The following NLRP13 variants were observed in gnomAD, a reference collection of about 807,000 sequenced individuals.
NLRP13 encodes the protein NLR family pyrin domain containing 13, also known as NACHT, LRR and PYD domains-containing protein 13.
A neutral mutation model predicts 94.4 loss-of-function variants in NLRP13; 82 were observed. The observed-to-expected ratio is 0.87, with a 90% CI of 0.73 to 1.04. The LOEUF (loss-of-function observed/expected upper bound fraction) is 1.04, where lower values mean the gene tolerates loss of function less well. NLRP13 is among the 50% of genes least tolerant of loss of function. The pLI is 0.00. For synonymous variants in NLRP13, 553 were observed against 464.7 expected, an observed-to-expected ratio of 1.19 and a Z score of -2.45; for missense variants, 1,426 against 1,230.8, an observed-to-expected ratio of 1.16 and a Z score of -2.37.
chr19:55,903,065 T>C (rs1210485650), intron 8 of NLRP13, among the ~76,000 whole-genome samples: 1 of 151,758 alleles, frequency 6.6e-6, no homozygotes, highest in African/African-American at 2.4e-5. Context: ...TGTAGAATTA[T>C]AACAGTTATA....
At chr19:55,894,905 C>G (rs1238336851), downstream of NLRP13, among the ~76,000 whole-genome samples, 2 of 152,184 alleles carry the variant, frequency 1.3e-5, no homozygotes, top group Admixed American at 6.5e-5. Context: ...ACTGCACCAT[C>G]CAGTACGGTA....
At position 55,925,029 on chromosome 19, in the gene NLRP13, A is replaced by C. The variant is rs1986935079; in HGVS notation, c.326T>G (p.Val109Gly). The C allele has an allele frequency of 6.2e-7, 1 of 1,614,018 alleles. No homozygotes were observed. The highest frequency in any genetic ancestry group is 8.5e-7 in the Non-Finnish European group (1 of 1,179,944). ...EKVRAEMKEN[V>G]QTQELQDPTQ... ...TGGATCTTGCAGCTCTTGGGTCTGC[A>C]CATTCTCTGAAACAAACAGTGATGA... The change falls in exon 2 of 11, where the codon GTG (valine) becomes GGG (glycine). Residue 109 changes from valine (V) to glycine (G), a missense_variant. By Grantham distance (109) the Val-to-Gly change is moderately radical. Transcript: ENST00000342929.
intron 4 of NLRP13, among the ~76,000 whole-genome samples, chr19:55,915,070 G>T (rs918588169): frequency 1.3e-5 from 2 of 152,296 alleles, no homozygotes; most frequent in East Asian, 3.9e-4. Context: ...AGGGAAAGGA[G>T]AAATTTTGAG....
At chr19:55,924,857 T>A (rs1178415807) in intron 2 of NLRP13, 110 bp downstream of exon 2, 2 of 1,009,194 alleles carry the variant, frequency 2.0e-6, no homozygotes, top group Non-Finnish European at 3.0e-6. Context: ...TTTTTAATTT[T>A]TTATGCACTA....
rs1405688991 is a variant in NLRP13 at position 55,926,572 on chromosome 19, A to G, written c.320-1537T>C. Among the ~76,000 whole-genome samples the G allele has an allele frequency of 2.6e-5, 4 of 152,224 alleles. No individual in the cohort carries two copies. The East Asian group carries it at 7.7e-4, about 29-fold the overall frequency. On this transcript the variant is annotated intron_variant, in intron 1 of 10. Coordinates refer to ENST00000342929, the MANE Select transcript of NLRP13 (RefSeq NM_176810.2). ...CCCAACATTACTCCCCCCAGGCTCC[A>G]TAGGTTTACTTAGTGGTGTCTTTAT...
intron 1 of NLRP13, among the ~76,000 whole-genome samples, chr19:55,929,999 A>T (rs1987069059): frequency 6.6e-6 from 1 of 152,154 alleles, no homozygotes; most frequent in Non-Finnish European, 1.5e-5. Context: ...TTTAAAAATG[A>T]GAGAGGGACA....
chr19:55,895,854 G>A (rs972721726), downstream of NLRP13: 81 of 1,407,074 alleles, frequency 5.8e-5, no homozygotes, highest in Middle Eastern at 2.0e-4. Context: ...TGAGGAAGCC[G>A]AGTGCAATGG....
chr19:55,923,143 C>T (rs1986875773), intron 4 of NLRP13, among the ~76,000 whole-genome samples: 1 of 152,228 alleles, frequency 6.6e-6, no homozygotes, highest in African/African-American at 2.4e-5. Flanking sequence ...CCTATTAATT[C>T]ACCTGTTAAA....
At chr19:55,931,188 A>G (rs1243616207) in intron 1 of NLRP13, among the ~76,000 whole-genome samples, 1 of 152,068 alleles carries the variant, frequency 6.6e-6, no homozygotes, top group Non-Finnish European at 1.5e-5. Context: ...GCTCGTACTG[A>G]GGAAGCGGGT....
Position 55,910,646 on chromosome 19 carries a change from C to T in NLRP13, c.2199G>A (p.Leu733=), listed in dbSNP as rs760281060. 1 of 1,613,824 alleles carries T rather than the reference C, an allele frequency of 6.2e-7. No homozygotes were observed. Among genetic ancestry groups the T allele is most frequent in the South Asian group, 1.1e-5 (1 of 91,046 alleles). Residue 733 remains leucine, a synonymous_variant, in exon 6 of 11, where the codon CTG becomes CTA. Transcript: ENST00000342929. ...VTNENLHELD[L]SNSKLHASSV... is the part of the protein sequence containing the mutation. ...AGGAAGCATGAAGTTTGCTGTTACT[C>T]AGGTCTAGCTCATGCAGATTCTCAT... is the stretch of plus-strand genomic sequence containing the variant.
intron 9 of NLRP13, among the ~76,000 whole-genome samples, chr19:55,900,879 A>G (rs890861940): frequency 6.6e-6 from 1 of 152,134 alleles, no homozygotes; most frequent in African/African-American, 2.4e-5. Context: ...CCATAAATCA[A>G]TAATTGTTGA....
intron 9 of NLRP13, among the ~76,000 whole-genome samples, chr19:55,900,981 T>TG (rs1568687510): frequency 1.3e-5 from 2 of 152,118 alleles, no homozygotes. Flanking sequence ...CCAGGCACAG[T>TG]GGCTCACGTC....
rs67273235 is a variant in NLRP13, at chr19:55,898,206, G to GTTT, written c.2957+561_2957+563dup. Reference sequence around the variant, plus strand: ...ATCTAGCAGGAGAGTTTTTGTTTTTGTTTTTGTTTTTTTTTTTTTTGAGAT... The same window carrying GTTT: ...ATCTAGCAGGAGAGTTTTTGTTTTTGTTTTTTTTGTTTTTTTTTTTTTTGAGAT... On this transcript the variant is annotated intron_variant, in intron 10 of 10. Transcript: ENST00000342929. Among the ~76,000 whole-genome samples the GTTT allele has an allele frequency of 4.9e-3, 99 of 20,054 alleles. 2 individuals carry two copies. Among genetic ancestry groups the GTTT allele is most frequent in the Middle Eastern group, 0.05 (1 of 20 alleles). The allele number at this position is 20,054 out of a possible 152,430, so 13.2% of individuals were successfully genotyped here.
At chr19:55,908,616 T>C (rs1439780964) in intron 6 of NLRP13, among the ~76,000 whole-genome samples, 1 of 152,186 alleles carries the variant, frequency 6.6e-6, no homozygotes, top group Non-Finnish European at 1.5e-5. Flanking sequence ...GATCATGTCC[T>C]TTACAAGAAC....
chr19:55,908,669 G>A (rs1234644074), intron 6 of NLRP13, among the ~76,000 whole-genome samples: 3 of 152,166 alleles, frequency 2.0e-5, no homozygotes, highest in African/African-American at 7.2e-5. Flanking sequence ...AGCTAATGCA[G>A]GAACAGAAAA....
intron 2 of NLRP13, 116 bp from the exon 3 acceptor site, chr19:55,924,774 T>A: frequency 2.1e-6 from 2 of 932,246 alleles, no homozygotes; most frequent in Non-Finnish European, 3.5e-6. Context: ...TTGAAGAGAC[T>A]GGAGGAATCA....
At chr19:55,929,019 A>T (rs562398145) in intron 1 of NLRP13, among the ~76,000 whole-genome samples, 1 of 152,232 alleles carries the variant, frequency 6.6e-6, no homozygotes, top group African/African-American at 2.4e-5. Flanking sequence ...GCCAACAAAC[A>T]TGAAAAAAAG....
At chr19:55,910,060 C>T (rs186637851) in intron 6 of NLRP13, among the ~76,000 whole-genome samples, 118 of 152,324 alleles carry the variant, frequency 7.7e-4, no homozygotes, top group Non-Finnish European at 1.5e-3. Flanking sequence ...GCTTCCCTGA[C>T]ACAATGTAAG....
intron 9 of NLRP13, among the ~76,000 whole-genome samples, chr19:55,901,138 G>A (rs1209872176): frequency 6.6e-6 from 1 of 152,214 alleles, no homozygotes; most frequent in African/African-American, 2.4e-5. Context: ...ATGTTGGAGA[G>A]CAAGCTTGGA....
Sources: allele counts gnomAD v4.1 joint callset (sites outside exome capture counted in the v4.1 genomes callset), GRCh38; gene constraint gnomAD v4.1.1; transcripts MANE v1.5; gene names NCBI Gene and HGNC (gene_info 2026-07-23, HGNC 2026-07-21).